CFAP47: variants seen among roughly 807,000 people sequenced by gnomAD.
The protein encoded by CFAP47 is cilia and flagella associated protein 47, also known as cilia- and flagella-associated protein 47.
CFAP47 carries 29 observed loss-of-function variants against 148.1 expected under a neutral mutation model. The ratio of observed to expected loss-of-function variants is 0.20; its 90% CI spans 0.15 to 0.27. The LOEUF (loss-of-function observed/expected upper bound fraction) is 0.27. Ranked by LOEUF, CFAP47 falls within the 10% of genes least tolerant of loss-of-function variation. The pLI, the probability that CFAP47 is intolerant of heterozygous loss-of-function variation, is 1.00. For synonymous variants in CFAP47, 664 were observed against 577.3 expected (o/e 1.15, Z -2.15); for missense variants, 1,872 against 1,697.5 (o/e 1.10, Z -1.81).
chrX:36,325,670 G>A (rs184350060), intron 57 of CFAP47, among the ~76,000 whole-genome samples: 52 of 110,805 alleles, frequency 4.7e-4, no homozygotes, highest in African/African-American at 1.6e-3. Flanking sequence ...TAGCACTGAA[G>A]CTAGGATAGC....
intron 51 of CFAP47, among the ~76,000 whole-genome samples, chrX:36,298,765 G>GA (rs1941269488): frequency 1.8e-5 from 2 of 109,567 alleles, no homozygotes; most frequent in Admixed American, 9.8e-5. Context: ...ATTTGCTGTT[G>GA]AAAAAAAATA....
intron 15 of CFAP47, among the ~76,000 whole-genome samples, chrX:35,985,311 C>T (rs1936699250): frequency 9.0e-6 from 1 of 110,681 alleles, no homozygotes; most frequent in African/African-American, 3.3e-5. Flanking sequence ...TCAAAAGCAC[C>T]TCATCGGGGC....
intron 29 of CFAP47, among the ~76,000 whole-genome samples, chrX:36,081,815 CAG>C (rs1216922613): frequency 1.8e-5 from 2 of 111,329 alleles, no homozygotes; most frequent in African/African-American, 6.5e-5. Flanking sequence ...AAAATCTCAA[CAG>C]AGTCACCAGC....
chrX:36,046,414 G>A (rs184168534), intron 25 of CFAP47, among the ~76,000 whole-genome samples: 68 of 110,454 alleles, frequency 6.2e-4, no homozygotes, highest in African/African-American at 2.0e-3. Context: ...GTATATATGC[G>A]CTTAATAGTA....
intron 23 of CFAP47, among the ~76,000 whole-genome samples, chrX:36,033,580 T>C (rs1432458325): frequency 9.0e-6 from 1 of 111,548 alleles, no homozygotes; most frequent in Non-Finnish European, 1.9e-5. Flanking sequence ...AAACATGTTG[T>C]TTTCTTTAGA....
chrX:36,205,096 T>A lies in CFAP47; in HGVS notation c.6803T>A (p.Leu2268His). The A allele has an allele frequency of 3.4e-6, 1 of 296,643 alleles. No individual in the cohort carries two copies. Among genetic ancestry groups the A allele is most frequent in the Non-Finnish European group, 5.9e-6 (1 of 169,601 alleles). The allele number at this position is 296,643 out of a possible 1,213,427, so 24.4% of individuals were successfully genotyped here. Residue 2268 changes from leucine (L) to histidine (H), a missense_variant, in exon 45 of 64, where the codon CTT becomes CAT. Physicochemically the swap from Leu to His is moderately conservative, Grantham distance 99. Coordinates refer to ENST00000378653, the MANE Select transcript of CFAP47 (RefSeq NM_001304548.2). ...ATTCCAGAACCTCAAGTAATTAAAC[T>A]TTCAAAAGCAAAAGGTAATCAGTGA... ...PWIPEPQVIKLSKAKASDGSV... is the reference protein window; with the variant it reads ...PWIPEPQVIKHSKAKASDGSV...
At chrX:36,038,381 C>T (rs1056208980) in intron 24 of CFAP47, among the ~76,000 whole-genome samples, 2 of 112,215 alleles carry the variant, frequency 1.8e-5, no homozygotes, top group Non-Finnish European at 3.8e-5. Context: ...TGGAAACTGT[C>T]CCCAGAAACT....
intron 51 of CFAP47, among the ~76,000 whole-genome samples, chrX:36,289,227 C>T (rs1055745728): frequency 2.7e-5 from 3 of 109,471 alleles, no homozygotes; most frequent in Non-Finnish European, 3.8e-5. Flanking sequence ...CTTGAACTCC[C>T]GACCTCAGAT....
chrX:36,318,709 G>C (rs1309845322), intron 56 of CFAP47, among the ~76,000 whole-genome samples: 1 of 111,996 alleles, frequency 8.9e-6, no homozygotes, highest in African/African-American at 3.2e-5. Context: ...GGAACCCATG[G>C]ATACAGAAGG....
At chrX:36,063,213 A>G (rs1937608670) in intron 26 of CFAP47, among the ~76,000 whole-genome samples, 1 of 111,524 alleles carries the variant, frequency 9.0e-6, no homozygotes, top group African/African-American at 3.3e-5. Flanking sequence ...TCTGTCAGTA[A>G]CCATTTGTGT....
At chrX:35,931,846 T>G (rs916156905) in intron 2 of CFAP47, among the ~76,000 whole-genome samples, 1 of 111,789 alleles carries the variant, frequency 8.9e-6, no homozygotes, top group Non-Finnish European at 1.9e-5. Context: ...TATTACTGTC[T>G]TGAATATCTA....
At chrX:36,128,495 G>C (rs1405678468) in intron 33 of CFAP47, among the ~76,000 whole-genome samples, 1 of 110,643 alleles carries the variant, frequency 9.0e-6, no homozygotes, top group African/African-American at 3.3e-5. Flanking sequence ...AGATATTTTT[G>C]GTGCTCATTT....
intron 27 of CFAP47, among the ~76,000 whole-genome samples, chrX:36,069,898 C>T (rs1937714924): frequency 8.9e-6 from 1 of 111,947 alleles, no homozygotes; most frequent in South Asian, 3.6e-4. Context: ...CTGCAAAATT[C>T]TTTTAAAAAG....
chrX:36,020,705 T>G (rs1244414216), intron 22 of CFAP47, among the ~76,000 whole-genome samples: 1 of 112,126 alleles, frequency 8.9e-6, no homozygotes. Flanking sequence ...TCCATCACTT[T>G]GTTTTCAGTC....
chrX:36,020,369 T>A (rs1176624836), intron 22 of CFAP47, among the ~76,000 whole-genome samples: 2 of 112,035 alleles, frequency 1.8e-5, no homozygotes, highest in African/African-American at 6.5e-5. Flanking sequence ...ATAGTGTAGA[T>A]TAAGTCAAAT....
chrX:36,220,899 T>A (rs1555990702), intron 45 of CFAP47, among the ~76,000 whole-genome samples: 1 of 111,679 alleles, frequency 9.0e-6, no homozygotes, highest in African/African-American at 3.2e-5. Flanking sequence ...AACAGTAACA[T>A]TAGAAGCCAA....
chrX:36,218,683 CAGG>C (rs1391452155), intron 45 of CFAP47, among the ~76,000 whole-genome samples: 1 of 111,846 alleles, frequency 8.9e-6, no homozygotes, highest in East Asian at 2.8e-4. Context: ...AGAACAATCT[CAGG>C]AGGTCTTGAG....
At chrX:36,017,766 G>A (rs757958466) in intron 22 of CFAP47, among the ~76,000 whole-genome samples, 36 of 111,011 alleles carry the variant, frequency 3.2e-4, no homozygotes, top group African/African-American at 9.8e-4. Context: ...TGCCAGTACC[G>A]TCTGTTTTGA....
intron 57 of CFAP47, among the ~76,000 whole-genome samples, chrX:36,345,322 G>A (rs1941688094): frequency 9.0e-6 from 1 of 111,495 alleles, no homozygotes; most frequent in South Asian, 3.8e-4. Context: ...CAGAGATGCG[G>A]TACAGGGTCG....
Sources: allele counts gnomAD v4.1 joint callset (sites outside exome capture counted in the v4.1 genomes callset), GRCh38; gene constraint gnomAD v4.1.1; transcripts MANE v1.5; gene names NCBI Gene and HGNC (gene_info 2026-07-23, HGNC 2026-07-21).